PARD3B: variants seen among roughly 807,000 people sequenced by gnomAD.
The protein encoded by PARD3B is par-3 family cell polarity regulator beta.
In PARD3B, 103 loss-of-function variants were observed where a neutral mutation model predicts 130.2. The ratio of observed to expected loss-of-function variants is 0.79; its 90% CI spans 0.67 to 0.93. The LOEUF is 0.93. PARD3B is among the 40% of genes least tolerant of loss of function. The pLI is 0.00. For missense variants in PARD3B, 1,609 were observed against 1,499.2 expected (o/e 1.07, Z -1.21); for synonymous variants, 583 against 553.2 (o/e 1.05, Z -0.76).
chr2:204,753,006 T>C (rs2040524803), intron 2 of PARD3B, among the ~76,000 whole-genome samples: 1 of 152,218 alleles, frequency 6.6e-6, no homozygotes, highest in Non-Finnish European at 1.5e-5. Context: ...GAAAATGACA[T>C]CTTTTCAAAA....
At chr2:204,560,677 C>A (rs1159651897) in intron 1 of PARD3B, among the ~76,000 whole-genome samples, 1 of 152,048 alleles carries the variant, frequency 6.6e-6, no homozygotes, top group Non-Finnish European at 1.5e-5. Context: ...TGGGAAGTTT[C>A]TCCAGGACAG....
chr2:204,741,241 T>C (rs79726572), intron 2 of PARD3B, among the ~76,000 whole-genome samples: 24,393 of 152,144 alleles, frequency 0.16, 2,036 homozygotes, highest in Middle Eastern at 0.23. Context: ...GAGAAAAAGA[T>C]ACAATTAGTA....
At chr2:205,487,980 G>A (rs933835824) in intron 20 of PARD3B, among the ~76,000 whole-genome samples, 1 of 152,138 alleles carries the variant, frequency 6.6e-6, no homozygotes, top group Non-Finnish European at 1.5e-5. Context: ...TTCAGTTCAA[G>A]AAGGTGAACG....
At chr2:205,364,184 C>T (rs904381122) in intron 18 of PARD3B, among the ~76,000 whole-genome samples, 4 of 152,258 alleles carry the variant, frequency 2.6e-5, no homozygotes, top group African/African-American at 7.2e-5. Context: ...TTATTCCAAG[C>T]GTAAAAACAC....
chr2:204,905,502 A>G (rs2047012182), intron 2 of PARD3B, among the ~76,000 whole-genome samples: 1 of 152,102 alleles, frequency 6.6e-6, no homozygotes, highest in African/African-American at 2.4e-5. Context: ...AAGATAGTCA[A>G]GTGGCCAAAT....
intron 2 of PARD3B, among the ~76,000 whole-genome samples, chr2:204,925,619 T>C (rs1559265352): frequency 2.0e-5 from 3 of 152,124 alleles, no homozygotes; most frequent in Non-Finnish European, 4.4e-5. Flanking sequence ...AATAAGCTAG[T>C]CAGGATATAG....
intron 20 of PARD3B, among the ~76,000 whole-genome samples, chr2:205,488,681 T>A (rs1461083144): frequency 1.3e-5 from 2 of 152,166 alleles, no homozygotes; most frequent in South Asian, 2.1e-4. Flanking sequence ...GCTGAAATGA[T>A]GTTCAGCACA....
intron 4 of PARD3B, among the ~76,000 whole-genome samples, chr2:205,057,568 T>TAC (rs1559397323): frequency 2.1e-5 from 3 of 142,058 alleles, no homozygotes; most frequent in Admixed American, 7.5e-5. Flanking sequence ...TATACATATA[T>TAC]GTATATGTGT....
chr2:204,850,275 A>G (rs2044653700), intron 2 of PARD3B, among the ~76,000 whole-genome samples: 2 of 152,208 alleles, frequency 1.3e-5, no homozygotes, highest in Non-Finnish European at 2.9e-5. Flanking sequence ...TTTCTACTAA[A>G]TAAACAAATG....
chr2:205,492,977 C>T (rs916611416), intron 20 of PARD3B, among the ~76,000 whole-genome samples: 3 of 152,028 alleles, frequency 2.0e-5, no homozygotes, highest in Non-Finnish European at 2.9e-5. Context: ...ACAAGAGTCT[C>T]TCAAAGTTTT....
intron 15 of PARD3B, among the ~76,000 whole-genome samples, chr2:205,226,614 CTG>C (rs1216500331): frequency 6.6e-6 from 1 of 152,094 alleles, no homozygotes; most frequent in Non-Finnish European, 1.5e-5. Context: ...ATTGAAGAGA[CTG>C]TTCTTTCCCC....
chr2:205,392,953 C>T (rs975092865), intron 18 of PARD3B, among the ~76,000 whole-genome samples: 2 of 152,066 alleles, frequency 1.3e-5, no homozygotes, highest in African/African-American at 4.8e-5. Flanking sequence ...TCCTTAGGGA[C>T]CCCCAAAAAG....
intron 15 of PARD3B, among the ~76,000 whole-genome samples, chr2:205,211,087 G>A (rs1340070439): frequency 6.6e-6 from 1 of 152,010 alleles, no homozygotes; most frequent in Non-Finnish European, 1.5e-5. Context: ...ATTTATTTAT[G>A]ATAAAACTGC....
intron 18 of PARD3B, among the ~76,000 whole-genome samples, chr2:205,390,715 A>G (rs2045826930): frequency 6.6e-6 from 1 of 151,494 alleles, no homozygotes; most frequent in Non-Finnish European, 1.5e-5. Context: ...GTCCTTTGCA[A>G]GGTAATTATA....
chr2:205,370,798 T>C (rs1028806596), intron 18 of PARD3B, among the ~76,000 whole-genome samples: 11 of 152,234 alleles, frequency 7.2e-5, no homozygotes, highest in Non-Finnish European at 1.3e-4. Context: ...GTCATCTTGG[T>C]TACTTACTGA....
At chr2:205,126,752 C>CAAAAAAAAAAAAAAAAAAAA (rs4045004) in intron 10 of PARD3B, among the ~76,000 whole-genome samples, 4 of 74,454 alleles carry the variant, frequency 5.4e-5, no homozygotes, top group Non-Finnish European at 6.7e-5. Context: ...GACTCCGTCT[C>CAAAAAAAAAAAAAAAAAAAA]AAAAAAAAAA....
rs557935817 is a variant in PARD3B, at chr2:204,942,301, G to T, written c.223-22851G>T. ...TTTTATAGTAACGCTTCATTAAGAT[G>T]TCAAGTCAAAATATTTTTTTCTTTC... On this transcript the variant is annotated intron_variant, in intron 2 of 22. Coordinates refer to ENST00000406610, the MANE Select transcript of PARD3B (RefSeq NM_001302769.2). Among the ~76,000 whole-genome samples, 5 of 152,202 alleles carry T rather than the reference G, an allele frequency of 3.3e-5. No individual in the cohort carries two copies. In the South Asian group the frequency reaches 1.0e-3, roughly 32 times the overall value.
At chr2:205,144,649 T>G (rs2033215959) in intron 10 of PARD3B, among the ~76,000 whole-genome samples, 1 of 152,226 alleles carries the variant, frequency 6.6e-6, no homozygotes, top group South Asian at 2.1e-4. Flanking sequence ...TATGTTTTTA[T>G]CTACAAATGA....
In PARD3B at chr2:205,465,521, A is replaced by G. The variant is rs538738084; in HGVS notation, c.3044+24849A>G. On this transcript the variant is annotated intron_variant, in intron 20 of 22. Transcript: ENST00000406610. Reference sequence around the variant, plus strand: ...GAATTCTTTTTTCCCCTATGTGTGTAAAGTCCAAATTTATAAACTTTCCTT... The same window carrying G: ...GAATTCTTTTTTCCCCTATGTGTGTGAAGTCCAAATTTATAAACTTTCCTT... 4.5e-4 allele frequency among the ~76,000 whole-genome samples: 69 copies of G among 152,324 alleles called. No homozygotes were observed. The South Asian group carries it at 0.014, about 31-fold the overall frequency.
Sources: gnomAD v4.1 joint callset for allele counts (sites outside exome capture counted in the v4.1 genomes callset) on GRCh38, gnomAD v4.1.1 for gene constraint, MANE v1.5 for transcripts, NCBI Gene and HGNC (gene_info 2026-07-23, HGNC 2026-07-21) for gene names.